The following PCDHGA4 variants were observed in gnomAD, a reference collection of about 807,000 sequenced individuals.
PCDHGA4 encodes protocadherin gamma-A4.
A neutral mutation model predicts 54.6 loss-of-function variants in PCDHGA4; 38 were observed. The observed-to-expected ratio is 0.70, with a 90% confidence interval of 0.54 to 0.91. PCDHGA4 has a LOEUF of 0.91. Among genes scored for constraint, PCDHGA4 ranks in the 40% least tolerant of loss-of-function variants. The probability of loss-of-function intolerance (pLI) is 0.00; values close to 1 mark genes in which losing one functional copy is unlikely to be tolerated. For missense variants in PCDHGA4, 1,298 were observed against 1,220.9 expected (o/e 1.06, Z -0.94); for synonymous variants, 511 against 512.9 (o/e 1.00, Z 0.05).
At chr5:141,370,783 C>G in intron 1 of PCDHGA4, 2 of 1,614,010 alleles carry the variant, frequency 1.2e-6, no homozygotes, top group African/African-American at 1.3e-5. Flanking sequence ...AACGACAACC[C>G]ACCGACCTTT....
intron 1 of PCDHGA4, chr5:141,362,301 T>C: frequency 6.2e-7 from 1 of 1,614,082 alleles, no homozygotes; most frequent in South Asian, 1.1e-5. Context: ...CCAGGTCAGA[T>C]GCTTGGGACT....
chr5:141,395,254 G>T, intron 1 of PCDHGA4: 1 of 1,556,766 alleles, frequency 6.4e-7, no homozygotes, highest in Non-Finnish European at 8.7e-7. Context: ...TTAGTTCTTT[G>T]CTTGCTTTTA....
rs2095356668 is a variant in PCDHGA4, at chr5:141,410,094, C to T, written c.2514+52473C>T. Reference sequence around the variant, plus strand: ...ACTGGGGAGGTGCGCACGGCTCGAGCCTTAGGCGACAGGGACGCAGCCCGC... The same window carrying T: ...ACTGGGGAGGTGCGCACGGCTCGAGTCTTAGGCGACAGGGACGCAGCCCGC... On this transcript the variant is annotated intron_variant, in intron 1 of 3. Coordinates refer to ENST00000571252, the MANE Select transcript of PCDHGA4 (RefSeq NM_018917.4). 6.2e-7 allele frequency: 1 copy of T among 1,612,528 alleles called. No homozygotes were observed. Among genetic ancestry groups the T allele is most frequent in the Non-Finnish European group, 8.5e-7 (1 of 1,179,670 alleles).
At position 141,477,811 on chromosome 5, in the gene PCDHGA4, C is replaced by A. The variant is rs1211574518; in HGVS notation, c.2515-16996C>A. 1 of 1,614,046 alleles carries A rather than the reference C, an allele frequency of 6.2e-7. No individual in the cohort carries two copies. Among genetic ancestry groups the A allele is most frequent in the Non-Finnish European group, 8.5e-7 (1 of 1,180,034 alleles). On this transcript the variant is annotated intron_variant, in intron 1 of 3. Transcript: ENST00000571252. This position sits in a 1 kb window ranked among gnomAD's most constrained non-coding sequence, Gnocchi z 4.9. ...TCACTGATCGCAATGACAATGCCCC[C>A]CAGGTCCTATATCCTCGGCCAGGTG...
intron 1 of PCDHGA4, chr5:141,418,101 G>A (rs965772298): frequency 3.7e-6 from 6 of 1,614,082 alleles, no homozygotes; most frequent in Non-Finnish European, 5.1e-6. Flanking sequence ...GACGCGCAGA[G>A]CGGGGACTTA....
intron 1 of PCDHGA4, chr5:141,399,759 G>A: frequency 1.2e-6 from 2 of 1,613,348 alleles, no homozygotes; most frequent in Non-Finnish European, 1.7e-6. Flanking sequence ...ACGTGAGCCT[G>A]CGCGTGTTGG....
chr5:141,370,217 G>A, intron 1 of PCDHGA4: 2 of 562,852 alleles, frequency 3.6e-6, no homozygotes, highest in East Asian at 5.9e-5. Context: ...GGCTCCTCCC[G>A]CTGCAGCCAG....
At position 141,443,088 on chromosome 5, in the gene PCDHGA4, T is replaced by C. The variant is rs188899890; in HGVS notation, c.2515-51719T>C. On this transcript the variant is annotated intron_variant, in intron 1 of 3. Transcript: ENST00000571252. ...CGTCTTATGACTGAGTGTTCCAGTC[T>C]CCTTCTCAAGCTGAACCTTGCTTTT... is the stretch of plus-strand genomic sequence containing the variant. 2.9e-3 allele frequency among the ~76,000 whole-genome samples: 446 copies of C among 152,092 alleles called. 1 individual carries two copies. Among genetic ancestry groups the C allele is most frequent in the Middle Eastern group, 0.014 (4 of 294 alleles).
chr5:141,430,521 A>G, intron 1 of PCDHGA4: 1 of 350,390 alleles, frequency 2.9e-6, no homozygotes, highest in Non-Finnish European at 5.1e-6. Context: ...TTGTGCAGTA[A>G]TTGGTTAGGA....
intron 1 of PCDHGA4, chr5:141,398,802 C>A: frequency 6.2e-7 from 1 of 1,613,982 alleles, no homozygotes; most frequent in Non-Finnish European, 8.5e-7. Context: ...TAAGCGGCAC[C>A]ACTGAGCTCC....
intron 1 of PCDHGA4, chr5:141,427,469 C>A: frequency 2.0e-6 from 1 of 510,092 alleles, no homozygotes; most frequent in Non-Finnish European, 3.8e-6. Flanking sequence ...TCGAATCTTC[C>A]GCCAATAATG....
At chr5:141,423,563 C>G (rs745802952) in intron 1 of PCDHGA4, 3 of 1,613,550 alleles carry the variant, frequency 1.9e-6, no homozygotes, top group Admixed American at 1.7e-5. Flanking sequence ...TATGGGGACA[C>G]GCTCATCAGC....
intron 1 of PCDHGA4, among the ~76,000 whole-genome samples, chr5:141,434,746 C>T (rs1591345130): frequency 6.6e-6 from 1 of 151,796 alleles, no homozygotes; most frequent in South Asian, 2.1e-4. Context: ...GGCTATGAGA[C>T]CCCTGATTCC....
intron 1 of PCDHGA4, chr5:141,365,466 A>C: frequency 6.2e-7 from 1 of 1,614,016 alleles, no homozygotes; most frequent in African/African-American, 1.3e-5. Flanking sequence ...TCTGGAGAAA[A>C]TGGTGAGATT....
chr5:141,499,689 C>CTTTTTTTT (rs545067566), intron 2 of PCDHGA4, among the ~76,000 whole-genome samples: 2 of 119,854 alleles, frequency 1.7e-5, no homozygotes, highest in Non-Finnish European at 1.7e-5. Context: ...TAACAGATGA[C>CTTTTTTTT]TTTTTTTTTT....
At chr5:141,421,721 T>G in intron 1 of PCDHGA4, 1 of 1,613,940 alleles carries the variant, frequency 6.2e-7, no homozygotes, top group Non-Finnish European at 8.5e-7. Flanking sequence ...GATGTGGGCG[T>G]GAACTCCCTC....
At chr5:141,429,945 T>C (rs1443623730) in intron 1 of PCDHGA4, among the ~76,000 whole-genome samples, 1 of 152,222 alleles carries the variant, frequency 6.6e-6, no homozygotes, top group East Asian at 1.9e-4. Flanking sequence ...ACTTCCATTA[T>C]TTCCAGTCAA....
intron 1 of PCDHGA4, chr5:141,400,310 G>C: frequency 6.2e-7 from 1 of 1,614,084 alleles, no homozygotes; most frequent in African/African-American, 1.3e-5. Context: ...CCTGGTCTCT[G>C]TGTCAAGTCT....
intron 1 of PCDHGA4, among the ~76,000 whole-genome samples, chr5:141,396,987 T>C (rs2093462210): frequency 6.6e-6 from 1 of 152,232 alleles, no homozygotes; most frequent in Admixed American, 6.5e-5. Context: ...GCTAGTTGTT[T>C]TTATTAATCT....
Sources: gnomAD v4.1 joint callset for allele counts (sites outside exome capture counted in the v4.1 genomes callset) on GRCh38, gnomAD v4.1.1 for gene constraint, Gnocchi (gnomAD v3.1) non-coding constraint, MANE v1.5 for transcripts, NCBI Gene and HGNC (gene_info 2026-07-23, HGNC 2026-07-21) for gene names.